Variants in RNF217 observed in about 807,000 individuals in gnomAD.
The protein encoded by RNF217 is ring finger protein 217.
A neutral mutation model predicts 57.8 loss-of-function variants in RNF217; 31 were observed. The ratio of observed to expected loss-of-function variants is 0.54; its 90% confidence interval spans 0.40 to 0.72. RNF217 has a LOEUF of 0.72. Among genes scored for constraint, RNF217 ranks in the 30% least tolerant of loss-of-function variants. The pLI is 0.00. For missense variants in RNF217, 696 were observed against 708.3 expected (o/e 0.98, Z 0.20); for synonymous variants, 313 against 294.0 (o/e 1.06, Z -0.66).
At chr6:125,019,778 G>C (rs1417245545) in intron 1 of RNF217, among the ~76,000 whole-genome samples, 1 of 150,784 alleles carries the variant, frequency 6.6e-6, no homozygotes, top group Non-Finnish European at 1.5e-5. Context: ...TGAAGCCCTT[G>C]GCCTCCTGGA....
chr6:124,991,695 T>C (rs556534358), intron 1 of RNF217, among the ~76,000 whole-genome samples: 1 of 152,344 alleles, frequency 6.6e-6, no homozygotes, highest in African/African-American at 2.4e-5. Context: ...AATCATTTTT[T>C]CTATATCTAG....
chr6:125,026,508 G>A (rs1786088180), intron 1 of RNF217, among the ~76,000 whole-genome samples: 1 of 152,154 alleles, frequency 6.6e-6, no homozygotes, highest in Admixed American at 6.5e-5. Context: ...TTTCTAGGAT[G>A]ATACAATTCA....
At chr6:125,067,400 C>T (rs1787973252) in intron 3 of RNF217, among the ~76,000 whole-genome samples, 1 of 152,114 alleles carries the variant, frequency 6.6e-6, no homozygotes, top group Non-Finnish European at 1.5e-5. Context: ...TAGCTGTAGA[C>T]ATCTGAAAGA....
rs1299231873 is a variant in RNF217 at position 125,084,860 on chromosome 6, A to C, written c.*1923A>C. The C allele has an allele frequency of 2.0e-5, 3 of 151,922 alleles. No individual in the cohort carries two copies. Among genetic ancestry groups the C allele is most frequent in the Admixed American group, 2.0e-4 (3 of 15,226 alleles). 9.4% of individuals were successfully genotyped at this position (151,922 alleles called of 1,614,324 possible). On this transcript the variant is annotated 3_prime_UTR_variant, in exon 6 of 6. Coordinates refer to ENST00000521654, the MANE Select transcript of RNF217 (RefSeq NM_001286398.3). ...TTTAACAGATATTTATTGAGTGCCTATCTTAGGTGTAATAGTATTTAAGAC... is the reference window on the plus strand; with the variant it reads ...TTTAACAGATATTTATTGAGTGCCTCTCTTAGGTGTAATAGTATTTAAGAC...
At chr6:124,971,488 A>T in intron 1 of RNF217, 3 of 337,170 alleles carry the variant, frequency 8.9e-6, no homozygotes, top group South Asian at 4.7e-5. Context: ...ACGGAGTCTC[A>T]CTCTGTCACC....
chr6:124,971,443 G>A, intron 1 of RNF217: 2 of 312,750 alleles, frequency 6.4e-6, no homozygotes, highest in Admixed American at 3.7e-5. Flanking sequence ...TTGATTTACT[G>A]TTAAGTTTTT....
At chr6:125,036,870 T>C (rs996363673) in intron 1 of RNF217, among the ~76,000 whole-genome samples, 3 of 148,388 alleles carry the variant, frequency 2.0e-5, no homozygotes, top group Admixed American at 6.8e-5. Flanking sequence ...CAGATGCTTT[T>C]ATTATTTATT....
At chr6:125,071,845 A>C (rs1326727071) in intron 3 of RNF217, among the ~76,000 whole-genome samples, 1 of 152,200 alleles carries the variant, frequency 6.6e-6, no homozygotes, top group South Asian at 2.1e-4. Flanking sequence ...CTAATGGATT[A>C]GGATTATCTA....
intron 1 of RNF217, among the ~76,000 whole-genome samples, chr6:125,044,853 G>A (rs190333884): frequency 3.3e-5 from 5 of 152,108 alleles, no homozygotes; most frequent in Admixed American, 1.3e-4. Flanking sequence ...GCCTGACCCC[G>A]CAGTTCTTGC....
intron 1 of RNF217, among the ~76,000 whole-genome samples, chr6:125,025,943 G>A (rs187414860): frequency 2.0e-5 from 3 of 152,276 alleles, no homozygotes; most frequent in Non-Finnish European, 4.4e-5. Context: ...AAAGTTAAGA[G>A]TAAGGCCTTG....
intron 3 of RNF217, among the ~76,000 whole-genome samples, chr6:125,063,774 G>A (rs1270270227): frequency 6.6e-6 from 1 of 152,016 alleles, no homozygotes; most frequent in Non-Finnish European, 1.5e-5. Flanking sequence ...ATTTCAAGAT[G>A]CAGAACCAGT....
At position 125,058,012 on chromosome 6, in the gene RNF217, G is replaced by A. The variant is rs1399317945; in HGVS notation, c.1187G>A (p.Cys396Tyr). 6.2e-7 allele frequency: 1 copy of A among 1,613,346 alleles called. No individual in the cohort carries two copies. Among genetic ancestry groups the A allele is most frequent in the African/African-American group, 1.3e-5 (1 of 74,850 alleles). The change falls in exon 3 of 6, where the codon TGC becomes TAC. Residue 396 changes from cysteine to tyrosine, a missense_variant. Around this residue, in one of 2 missense-constraint regions of RNF217, gnomAD observed 231 missense variants for 321.4 expected, o/e 0.72. Coordinates refer to ENST00000521654, the MANE Select transcript of RNF217 (RefSeq NM_001286398.3). ...TCTCCTTGGCATGAAGGTGTTAACT[G>A]CAAGGAGTACAAAAAAGGAGACAAA... ...CHSPWHEGVN[C>Y]KEYKKGDKLL...
At chr6:125,031,194 G>A (rs9388402) in intron 1 of RNF217, among the ~76,000 whole-genome samples, 10 of 152,184 alleles carry the variant, frequency 6.6e-5, no homozygotes, top group East Asian at 1.9e-4. Context: ...CCCAGCCCAC[G>A]AAACCACTTT....
Position 125,086,730 on chromosome 6 carries a change from A to C in RNF217, c.*3793A>C, listed in dbSNP as rs1196471847. On this transcript the variant is annotated 3_prime_UTR_variant, in exon 6 of 6. Transcript: ENST00000521654. Reference sequence around the variant, plus strand: ...TTCTCATAGGTGCTATTGTGTCCTAAGAGTAGAACAGACAAGAAAACAAAG... The same window carrying C: ...TTCTCATAGGTGCTATTGTGTCCTACGAGTAGAACAGACAAGAAAACAAAG... 1.3e-5 allele frequency: 2 copies of C among 152,092 alleles called. No individual in the cohort carries two copies. The highest frequency in any genetic ancestry group is 4.8e-5 in the African/African-American group (2 of 41,432). The allele number at this position is 152,092 out of a possible 1,614,324, so 9.4% of individuals were successfully genotyped here.
At chr6:124,975,329 T>C (rs1266239383) in intron 1 of RNF217, among the ~76,000 whole-genome samples, 1 of 152,242 alleles carries the variant, frequency 6.6e-6, no homozygotes, top group Non-Finnish European at 1.5e-5. Context: ...TTTAGCGTAT[T>C]ATTAATTTAT....
At chr6:125,069,806 GT>G (rs1372693515) in intron 3 of RNF217, among the ~76,000 whole-genome samples, 1 of 152,060 alleles carries the variant, frequency 6.6e-6, no homozygotes, top group Non-Finnish European at 1.5e-5. Context: ...AGCATCTGTT[GT>G]TTTTTGACTT....
intron 3 of RNF217, among the ~76,000 whole-genome samples, chr6:125,073,850 C>T (rs923224720): frequency 2.0e-5 from 3 of 152,186 alleles, no homozygotes; most frequent in African/African-American, 7.2e-5. Flanking sequence ...ATTGACCTGA[C>T]TCCATATGTG....
Position 125,015,956 on chromosome 6 carries a change from A to T in RNF217, c.883-29255A>T, listed in dbSNP as rs546599356. Among the ~76,000 whole-genome samples the T allele has an allele frequency of 3.3e-5, 5 of 152,290 alleles. No individual in the cohort carries two copies. In the East Asian group the frequency reaches 5.8e-4, roughly 18 times the overall value. On this transcript the variant is annotated intron_variant, in intron 1 of 5. Coordinates refer to ENST00000521654, the MANE Select transcript of RNF217 (RefSeq NM_001286398.3). The stretch of plus-strand genomic sequence containing the variant: ...TTGTTCACCAGCATAAGTAGATCTT[A>T]AAAAATGTGTGAAGAAAGCACAATA...
At chr6:124,997,868 C>T (rs1227672621) in intron 1 of RNF217, among the ~76,000 whole-genome samples, 1 of 152,074 alleles carries the variant, frequency 6.6e-6, no homozygotes, top group Non-Finnish European at 1.5e-5. Flanking sequence ...ATTTTTTCAT[C>T]CTGTAGTATC....
Sources: allele counts gnomAD v4.1 joint callset (sites outside exome capture counted in the v4.1 genomes callset), GRCh38; gene constraint gnomAD v4.1.1; regional missense constraint gnomAD v4.1.1; transcripts MANE v1.5; gene names NCBI Gene and HGNC (gene_info 2026-07-23, HGNC 2026-07-21).